Variants in ADAP1 observed in about 807,000 individuals in gnomAD.
ADAP1 encodes the protein ArfGAP with dual PH domains 1, also known as arf-GAP with dual PH domain-containing protein 1.
ADAP1 carries 31 observed loss-of-function variants against 54.9 expected under a neutral mutation model. The observed-to-expected ratio is 0.56, with a 90% confidence interval of 0.42 to 0.76. The LOEUF is 0.76. Among genes scored for constraint, ADAP1 ranks in the 30% least tolerant of loss-of-function variants. The pLI is 0.00. For synonymous variants in ADAP1, 313 were observed against 202.6 expected, an observed-to-expected ratio of 1.55 and a Z score of -4.63; for missense variants, 535 against 512.4, an observed-to-expected ratio of 1.04 and a Z score of -0.42.
chr7:951,058 C>T (rs1201308446), intron 1 of ADAP1, among the ~76,000 whole-genome samples: 4 of 151,598 alleles, frequency 2.6e-5, no homozygotes, highest in African/African-American at 7.3e-5. Flanking sequence ...GCACTCGAAA[C>T]GATGAGAAGG....
chr7:919,585 GAA>G (rs1475249994), intron 4 of ADAP1, among the ~76,000 whole-genome samples: 1 of 145,342 alleles, frequency 6.9e-6, no homozygotes, highest in African/African-American at 2.6e-5. Context: ...AGATAGACGT[GAA>G]GAGAGAGGAA....
rs1243907452 is a variant in ADAP1, at chr7:914,239, G to A, written c.388+5729C>T. ...AGCCACCTGGCCCAGGCCTCACCTG[G>A]CCAACGTGGGGTTGTGGGTGTGGCA... On this transcript the variant is annotated intron_variant, in intron 4 of 10. Coordinates refer to ENST00000265846, the MANE Select transcript of ADAP1 (RefSeq NM_006869.4). 7.2e-5 allele frequency among the ~76,000 whole-genome samples: 11 copies of A among 152,204 alleles called. No homozygotes were observed. The East Asian group carries it at 1.7e-3, about 24-fold the overall frequency.
intron 6 of ADAP1, chr7:901,063 G>A (rs1844785482): frequency 2.1e-6 from 1 of 470,972 alleles, no homozygotes; most frequent in African/African-American, 2.0e-5. Context: ...AGGCTCATCT[G>A]TTTATAAACG....
At chr7:943,001 AG>A (rs1847010221) in intron 1 of ADAP1, among the ~76,000 whole-genome samples, 1 of 20,250 alleles carries the variant, frequency 4.9e-5, no homozygotes, top group Admixed American at 3.9e-4. Flanking sequence ...GGAAGAGAGG[AG>A]GAGGAAGGGA....
At chr7:948,112 C>G (rs1344924611) in intron 1 of ADAP1, among the ~76,000 whole-genome samples, 1 of 152,078 alleles carries the variant, frequency 6.6e-6, no homozygotes, top group Non-Finnish European at 1.5e-5. Flanking sequence ...TGAACCCACT[C>G]TATTCCAGCT....
At position 926,260 on chromosome 7, in the gene ADAP1, C is replaced by A. The variant is rs1846383293; in HGVS notation, c.305+293G>T. Among the ~76,000 whole-genome samples, 1 of 152,158 alleles carries A rather than the reference C, an allele frequency of 6.6e-6. No homozygotes were observed. The highest frequency in any genetic ancestry group is 2.4e-5 in the African/African-American group (1 of 41,454). Reference sequence around the variant, plus strand: ...AGACCGCCAGGAGCACCTGGGAGGGCCCCTCAGATCCACCCGAGACCCCCA... The same window carrying A: ...AGACCGCCAGGAGCACCTGGGAGGGACCCTCAGATCCACCCGAGACCCCCA... On this transcript the variant is annotated intron_variant, in intron 3 of 10. Coordinates refer to ENST00000265846, the MANE Select transcript of ADAP1 (RefSeq NM_006869.4). The surrounding 1 kb of genome is among the most constrained non-coding windows in gnomAD (Gnocchi z 4.6).
At chr7:909,117 ACCCCGG>A in intron 4 of ADAP1, among the ~76,000 whole-genome samples, 1 of 144,514 alleles carries the variant, frequency 6.9e-6, no homozygotes, top group Non-Finnish European at 1.5e-5. Context: ...GCCAGCGGGA[ACCCCGG>A]TCCTCCCGAC....
At chr7:944,828 C>T (rs2128111603) in intron 1 of ADAP1, among the ~76,000 whole-genome samples, 1 of 152,000 alleles carries the variant, frequency 6.6e-6, no homozygotes, top group African/African-American at 2.4e-5. Flanking sequence ...TTCTTTGTAC[C>T]CATTAACCAT....
rs1844668385 is a variant in ADAP1 at position 899,403 on chromosome 7, C to T, written c.867+16G>A. ...GTGAGCTGCCCTCCCGTGCTGGGGC[C>T]ACAGCTCCTCCTTACCAGGGGGTCT... On this transcript the variant is annotated intron_variant, in intron 9 of 10. Coordinates refer to ENST00000265846, the MANE Select transcript of ADAP1 (RefSeq NM_006869.4). 1 of 1,612,502 alleles carries T rather than the reference C, an allele frequency of 6.2e-7. No individual in the cohort carries two copies. The highest frequency in any genetic ancestry group is 1.3e-5 in the African/African-American group (1 of 74,940).
chr7:914,746 C>T (rs1845861712), intron 4 of ADAP1, among the ~76,000 whole-genome samples: 1 of 152,172 alleles, frequency 6.6e-6, no homozygotes, highest in African/African-American at 2.4e-5. Context: ...GGGCATCTCA[C>T]AGGGCCCTGG....
At chr7:927,350 C>A in intron 2 of ADAP1, 1 of 824,936 alleles carries the variant, frequency 1.2e-6, no homozygotes, top group East Asian at 6.6e-5. Flanking sequence ...ATGACCCTGC[C>A]GCCAGCCAGG....
chr7:904,903 C>A lies in ADAP1; in HGVS notation c.501+157G>T, dbSNP rs138488827. Among the ~76,000 whole-genome samples, 774 of 152,346 alleles carry A rather than the reference C, an allele frequency of 5.1e-3. 7 individuals are homozygous for A. The highest frequency in any genetic ancestry group is 0.017 in the African/African-American group (722 of 41,566). Reference sequence around the variant, plus strand: ...GGACGCTGGGTCCGGCACACAGAGGCTCAGCCCAACACAGGCCGGTTCTCC... The same window carrying A: ...GGACGCTGGGTCCGGCACACAGAGGATCAGCCCAACACAGGCCGGTTCTCC... On this transcript the variant is annotated intron_variant, in intron 5 of 10. Transcript: ENST00000265846.
At chr7:943,212 A>G (rs1847021138) in intron 1 of ADAP1, among the ~76,000 whole-genome samples, 1 of 49,038 alleles carries the variant, frequency 2.0e-5, no homozygotes, top group Non-Finnish European at 4.2e-5. Context: ...GGGAGTGAGG[A>G]GGAGGAAGAG....
intron 4 of ADAP1, chr7:905,587 GAGAAAGGAGAAAGGA>G (rs1845176881): frequency 1.1e-4 from 8 of 75,340 alleles, no homozygotes; most frequent in African/African-American, 7.8e-4. Context: ...AAGGAGAAAG[GAGAAAGGAGAAAGGA>G]GAAAGGAGAA....
intron 6 of ADAP1, 66 bp downstream of exon 6, chr7:904,060 G>C: frequency 6.3e-7 from 1 of 1,594,700 alleles, no homozygotes; most frequent in South Asian, 1.1e-5. Flanking sequence ...CCACCTTCCT[G>C]CGCCACCCGG....
rs905405884 is a variant in ADAP1, at chr7:900,770, G to A, written c.649-154C>T. 5.7e-6 allele frequency: 4 copies of A among 702,090 alleles called. No homozygotes were observed. In the Admixed American group the frequency reaches 7.3e-5, roughly 13 times the overall value. 43.5% of individuals were successfully genotyped at this position (702,090 alleles called of 1,614,324 possible). A position where few individuals can be genotyped will look rare whatever the true frequency, so the allele number is the denominator to read the frequency against. ...TCAGCTCCCAGCAGTCCTGCCGCAG[G>A]CCTGGCCCCTGTGCCCACGCTGAGG... On this transcript the variant is annotated intron_variant, in intron 6 of 10. Transcript: ENST00000265846.
At chr7:900,864 AGAAGGGCC>A (rs71020534) in intron 6 of ADAP1, 272,485 of 601,812 alleles carry the variant, frequency 0.45, 64,176 homozygotes, top group African/African-American at 0.57. Context: ...CGAAGTCCTG[AGAAGGGCC>A]GAAGGGCCGA....
intron 6 of ADAP1, among the ~76,000 whole-genome samples, chr7:902,276 T>A (rs909808468): frequency 2.7e-5 from 4 of 150,316 alleles, no homozygotes; most frequent in African/African-American, 9.8e-5. Flanking sequence ...CTGACCAACA[T>A]GAAGAAACCC....
chr7:917,747 T>A (rs1034694940), intron 4 of ADAP1, among the ~76,000 whole-genome samples: 18 of 151,982 alleles, frequency 1.2e-4, no homozygotes, highest in Admixed American at 5.2e-4. Flanking sequence ...CTTTTATTCT[T>A]GGGGTGAGAT....
Sources: gnomAD v4.1 joint callset for allele counts (sites outside exome capture counted in the v4.1 genomes callset) on GRCh38, gnomAD v4.1.1 for gene constraint, Gnocchi (gnomAD v3.1) non-coding constraint, MANE v1.5 for transcripts, NCBI Gene and HGNC (gene_info 2026-07-23, HGNC 2026-07-21) for gene names.